Variants in NUP54 observed in about 807,000 individuals in gnomAD.
NUP54 encodes nucleoporin 54.
Under a neutral mutation model 66.4 loss-of-function variants are expected in NUP54, and 27 were observed. The ratio of observed to expected loss-of-function variants is 0.41; its 90% CI spans 0.30 to 0.56. The LOEUF is 0.56. NUP54 is among the 20% of genes least tolerant of loss of function. The pLI, the probability that NUP54 is intolerant of heterozygous loss-of-function variation, is 0.34. For synonymous variants in NUP54, 206 were observed against 210.7 expected (o/e 0.98, Z 0.19); for missense variants, 486 against 596.3 (o/e 0.82, Z 1.93).
At chr4:76,146,003 T>C in intron 1 of NUP54, 1 of 368,696 alleles carries the variant, frequency 2.7e-6, no homozygotes, top group Admixed American at 3.7e-5. Context: ...ACTGTTGTAA[T>C]TTCTTTTCAT....
intron 3 of NUP54, 58 bp downstream of exon 3, chr4:76,144,091 A>G (rs760880182): frequency 5.8e-6 from 9 of 1,563,404 alleles, no homozygotes; most frequent in Non-Finnish European, 7.9e-6. Flanking sequence ...AATGCACTCA[A>G]TAATGTCAGC....
At chr4:76,124,466 C>T in intron 9 of NUP54, 183 bp downstream of exon 9, 1 of 367,308 alleles carries the variant, frequency 2.7e-6, no homozygotes, top group Non-Finnish European at 4.8e-6. Context: ...TTTTATTCTC[C>T]TCACTCAAAC....
intron 8 of NUP54, among the ~76,000 whole-genome samples, chr4:76,125,657 AGAGAGG>A (rs1560678852): frequency 0.19 from 3,705 of 19,688 alleles, 678 homozygotes; most frequent in East Asian, 0.68. Context: ...GGGGAGAGGG[AGAGAGG>A]GGGAGAGAGG....
At chr4:76,128,520 ACAAG>A (rs1730642157) in intron 8 of NUP54, among the ~76,000 whole-genome samples, 1 of 152,216 alleles carries the variant, frequency 6.6e-6, no homozygotes, top group Admixed American at 6.5e-5. Flanking sequence ...TTTGCTGTCT[ACAAG>A]AATCTCGCTT....
chr4:76,144,959 G>A (rs1482996824), intron 1 of NUP54, among the ~76,000 whole-genome samples: 1 of 152,168 alleles, frequency 6.6e-6, no homozygotes, highest in Non-Finnish European at 1.5e-5. Flanking sequence ...AGGTAGTTTA[G>A]CAGTGTCACA....
In NUP54 at chr4:76,114,893, C is replaced by T. The variant is rs534419899; in HGVS notation, c.*473G>A. 1 of 152,282 alleles carries T rather than the reference C, an allele frequency of 6.6e-6. No homozygotes were observed. Among genetic ancestry groups the T allele is most frequent in the East Asian group, 1.9e-4 (1 of 5,186 alleles). The allele number at this position is 152,282 out of a possible 1,614,324, so 9.4% of individuals were successfully genotyped here. ...TGCTTTTGGATTTTCTTTACTCCTCCCACAGATGAGTTCACAAATACAAAA... is the reference window on the plus strand; with the variant it reads ...TGCTTTTGGATTTTCTTTACTCCTCTCACAGATGAGTTCACAAATACAAAA... On this transcript the variant is annotated 3_prime_UTR_variant, in exon 12 of 12. Transcript: ENST00000264883.
At chr4:76,143,749 TC>T in intron 3 of NUP54, among the ~76,000 whole-genome samples, 1 of 152,306 alleles carries the variant, frequency 6.6e-6, no homozygotes, top group East Asian at 1.9e-4. Flanking sequence ...CTGCAGGTCC[TC>T]TGATGGGGAA....
Position 76,124,774 on chromosome 4 carries a change from G to A in NUP54, c.1057-18C>T. The A allele has an allele frequency of 1.6e-6, 1 of 611,770 alleles. No homozygotes were observed. The highest frequency in any genetic ancestry group is 2.6e-6 in the Non-Finnish European group (1 of 379,656). 37.9% of individuals were successfully genotyped at this position (611,770 alleles called of 1,614,324 possible). ...GATATGATCTGTTTAAAAAAAAATTGGGGGGGGGAGGGTTAATCAAATATC... is the reference window on the plus strand; with the variant it reads ...GATATGATCTGTTTAAAAAAAAATTAGGGGGGGGAGGGTTAATCAAATATC... On this transcript the variant is annotated intron_variant, in intron 8 of 11. Transcript: ENST00000264883.
At chr4:76,128,598 T>C (rs924445020) in intron 8 of NUP54, among the ~76,000 whole-genome samples, 1 of 152,184 alleles carries the variant, frequency 6.6e-6, no homozygotes, top group African/African-American at 2.4e-5. Flanking sequence ...ATACAAACAC[T>C]TTTTATCAAA....
chr4:76,136,494 A>C, intron 3 of NUP54, 82 bp from the exon 4 acceptor site: 1 of 1,031,280 alleles, frequency 9.7e-7, no homozygotes, highest in Non-Finnish European at 1.5e-6. Flanking sequence ...AGGCAAAATA[A>C]TGGCCCCCTC....
intron 9 of NUP54, among the ~76,000 whole-genome samples, chr4:76,122,708 TAC>T (rs1272360722): frequency 6.6e-6 from 1 of 152,158 alleles, no homozygotes; most frequent in East Asian, 1.9e-4. Flanking sequence ...CCTAGGTTTA[TAC>T]CCAAGAGAAA....
At chr4:76,129,966 G>GTT (rs775109047) in intron 8 of NUP54, among the ~76,000 whole-genome samples, 740 of 56,870 alleles carry the variant, frequency 0.013, 196 homozygotes, top group Non-Finnish European at 0.019. Flanking sequence ...AATTATGAAA[G>GTT]TTTTTTTTTT....
chr4:76,125,774 A>G (rs1231760438), intron 8 of NUP54, among the ~76,000 whole-genome samples: 2 of 29,484 alleles, frequency 6.8e-5, no homozygotes, highest in African/African-American at 1.6e-4. Flanking sequence ...AGGGGGAGAG[A>G]GGGAGAGAGG....
chr4:76,118,053 T>G, intron 10 of NUP54, 22 bp downstream of exon 10: 1 of 1,607,466 alleles, frequency 6.2e-7, no homozygotes. Context: ...AATTTTAGAA[T>G]TATGGTCTTA....
At chr4:76,119,219 A>G (rs1015621624) in intron 9 of NUP54, among the ~76,000 whole-genome samples, 5 of 152,186 alleles carry the variant, frequency 3.3e-5, no homozygotes, top group Non-Finnish European at 7.3e-5. Context: ...ACGAGAATGT[A>G]AAAGACAAAT....
At position 76,144,492 on chromosome 4, in the gene NUP54, A is replaced by C; in HGVS notation, c.68-19T>G. On this transcript the variant is annotated intron_variant, in intron 1 of 11. Coordinates refer to ENST00000264883, the MANE Select transcript of NUP54 (RefSeq NM_017426.4). ...AACCCACCTAATTAAAAAAGAACAA[A>C]AATAGAAAGGAAGAATCTTTTGTAT... is the stretch of plus-strand genomic sequence containing the variant. 1 of 1,557,444 alleles carries C rather than the reference A, an allele frequency of 6.4e-7. No individual in the cohort carries two copies. Among genetic ancestry groups the C allele is most frequent in the South Asian group, 1.2e-5 (1 of 81,644 alleles).
intron 9 of NUP54, among the ~76,000 whole-genome samples, chr4:76,123,508 C>CT (rs529829145): frequency 3.0e-3 from 445 of 149,498 alleles, no homozygotes; most frequent in Non-Finnish European, 3.5e-3. Flanking sequence ...GCAGCATCTT[C>CT]TTTTTTTTTT....
chr4:76,136,715 G>C (rs1731055085), intron 3 of NUP54, among the ~76,000 whole-genome samples: 1 of 152,110 alleles, frequency 6.6e-6, no homozygotes, highest in African/African-American at 2.4e-5. Context: ...TTGGCATATG[G>C]CAAGATGGAA....
intron 9 of NUP54, among the ~76,000 whole-genome samples, chr4:76,122,361 C>T (rs181325480): frequency 0.016 from 2,377 of 151,934 alleles, 67 homozygotes; most frequent in African/African-American, 0.055. Context: ...GTCGTGTAAC[C>T]ACCACAGTGA....
Sources: allele counts gnomAD v4.1 joint callset (sites outside exome capture counted in the v4.1 genomes callset), GRCh38; gene constraint gnomAD v4.1.1; transcripts MANE v1.5; gene names NCBI Gene and HGNC (gene_info 2026-07-23, HGNC 2026-07-21).